Variants in CAMTA1 observed in about 807,000 individuals in gnomAD.
The protein encoded by CAMTA1 is calmodulin-binding transcription activator 1.
In CAMTA1, 27 loss-of-function variants were observed where a neutral mutation model predicts 170.9. The ratio of observed to expected loss-of-function variants is 0.16; its 90% CI spans 0.12 to 0.22. The LOEUF (loss-of-function observed/expected upper bound fraction) is 0.22. Ranked by LOEUF, CAMTA1 falls within the 10% of genes least tolerant of loss-of-function variation. The probability of loss-of-function intolerance (pLI) is 1.00; values close to 1 mark genes in which losing one functional copy is unlikely to be tolerated. For missense variants in CAMTA1, 1,619 were observed against 2,217.2 expected (o/e 0.73, Z 5.42); for synonymous variants, 833 against 891.5 (o/e 0.93, Z 1.17).
chr1:7,444,505 C>T (rs974956638), intron 5 of CAMTA1, among the ~76,000 whole-genome samples: 3 of 152,240 alleles, frequency 2.0e-5, no homozygotes, highest in African/African-American at 4.8e-5. Context: ...TCCCTCCTCC[C>T]TGGGCACCAG....
intron 5 of CAMTA1, among the ~76,000 whole-genome samples, chr1:7,377,024 G>A (rs1402874845): frequency 2.0e-5 from 3 of 152,124 alleles, no homozygotes; most frequent in African/African-American, 7.2e-5. Flanking sequence ...AGGCAAGATG[G>A]CACTCAAGCT....
intron 4 of CAMTA1, among the ~76,000 whole-genome samples, chr1:7,182,496 GAAAA>G: frequency 2.0e-5 from 2 of 98,460 alleles, no homozygotes; most frequent in African/African-American, 6.4e-5. Flanking sequence ...CCCCATCTCA[GAAAA>G]AAAAAAAAAA....
chr1:7,493,476 A>C (rs1205193248), intron 6 of CAMTA1, among the ~76,000 whole-genome samples: 5 of 151,348 alleles, frequency 3.3e-5, no homozygotes, highest in African/African-American at 1.2e-4. Flanking sequence ...AAAACATATA[A>C]ACAGGCGTGC....
intron 3 of CAMTA1, among the ~76,000 whole-genome samples, chr1:6,855,339 C>T (rs1192734431): frequency 6.6e-6 from 1 of 151,744 alleles, no homozygotes; most frequent in East Asian, 2.0e-4. Context: ...TTCATGGTTC[C>T]ACAGGCGGTT....
chr1:7,120,736 GTGGAGTAGGAAAGACCCAAC>G (rs1423475877), intron 4 of CAMTA1, among the ~76,000 whole-genome samples: 2 of 152,180 alleles, frequency 1.3e-5, no homozygotes, highest in African/African-American at 4.8e-5. Context: ...GCCTCCCTTT[GTGGAGTAGGAAAGACCCAAC>G]TGGATGATGA....
At chr1:6,832,016 T>A (rs1650434820) in intron 3 of CAMTA1, among the ~76,000 whole-genome samples, 2 of 152,168 alleles carry the variant, frequency 1.3e-5, no homozygotes, top group Non-Finnish European at 2.9e-5. Flanking sequence ...AAAATGGCCT[T>A]TAACACTGTA....
rs1247675637 is a variant in CAMTA1, at chr1:6,871,612, A to C, written c.234+46402A>C. ...AAAAAATTGTTGGTAACAGGTAATGAAAGTGTGGTTTTGTATGTAAATAAA... is the reference window on the plus strand; with the variant it reads ...AAAAAATTGTTGGTAACAGGTAATGCAAGTGTGGTTTTGTATGTAAATAAA... On this transcript the variant is annotated intron_variant, in intron 3 of 22. Coordinates refer to ENST00000303635, the MANE Select transcript of CAMTA1 (RefSeq NM_015215.4). 25 of 580,016 alleles carry C rather than the reference A, an allele frequency of 4.3e-5. No individual in the cohort carries two copies. The Admixed American group carries it at 9.5e-4, about 22-fold the overall frequency. 35.9% of individuals were successfully genotyped at this position (580,016 alleles called of 1,614,324 possible).
At chr1:7,413,089 G>A (rs1379662658) in intron 5 of CAMTA1, among the ~76,000 whole-genome samples, 2 of 150,684 alleles carry the variant, frequency 1.3e-5, no homozygotes, top group East Asian at 3.9e-4. Context: ...TATTTCTGAG[G>A]GCTCTGTTCT....
At chr1:7,714,371 C>T (rs1231353550) in intron 11 of CAMTA1, among the ~76,000 whole-genome samples, 6 of 152,286 alleles carry the variant, frequency 3.9e-5, no homozygotes, top group Middle Eastern at 3.4e-3. Context: ...TCAGAGCATC[C>T]GAGAGCTGTG....
intron 5 of CAMTA1, among the ~76,000 whole-genome samples, chr1:7,368,138 G>A (rs1182989730): frequency 6.7e-6 from 1 of 149,052 alleles, no homozygotes; most frequent in Non-Finnish European, 1.5e-5. Context: ...GCAGGCGCTG[G>A]GCATGGATGG....
At position 7,463,105 on chromosome 1, in the gene CAMTA1, G is replaced by T. The variant is rs1285600060; in HGVS notation, c.439-4725G>T. Among the ~76,000 whole-genome samples, 1 of 152,212 alleles carries T rather than the reference G, an allele frequency of 6.6e-6. No homozygotes were observed. Among genetic ancestry groups the T allele is most frequent in the Non-Finnish European group, 1.5e-5 (1 of 68,032 alleles). ...CACATAAGGCCTCCTGGGGCCGGGG[G>T]TTCATGTGAGCAGGGACACGGGGAG... On this transcript the variant is annotated intron_variant, in intron 5 of 22. Transcript: ENST00000303635. This position sits in a 1 kb window ranked among gnomAD's most constrained non-coding sequence, Gnocchi z 4.7.
At chr1:6,825,038 T>C in intron 2 of CAMTA1, 54 bp from the exon 3 acceptor site, 1 of 1,101,210 alleles carries the variant, frequency 9.1e-7, no homozygotes, top group Non-Finnish European at 1.3e-6. Context: ...CAGTGTACTT[T>C]AAAGGAGATT....
At chr1:7,244,596 A>G (rs1273640915) in intron 4 of CAMTA1, among the ~76,000 whole-genome samples, 2 of 152,200 alleles carry the variant, frequency 1.3e-5, no homozygotes, top group African/African-American at 4.8e-5. Context: ...TTGTAGGGAC[A>G]TGGATGAAGC....
At chr1:7,281,807 G>A (rs1462657513) in intron 5 of CAMTA1, among the ~76,000 whole-genome samples, 1 of 55,670 alleles carries the variant, frequency 1.8e-5, no homozygotes, top group Non-Finnish European at 5.1e-5. Context: ...AATTGTGTGT[G>A]TGTGTGTGTG....
intron 3 of CAMTA1, among the ~76,000 whole-genome samples, chr1:7,009,691 C>T (rs566225125): frequency 2.6e-4 from 39 of 152,346 alleles, no homozygotes; most frequent in East Asian, 1.9e-4. Flanking sequence ...AGCCCCGGTC[C>T]GGGCTGCACT....
intron 3 of CAMTA1, among the ~76,000 whole-genome samples, chr1:6,883,081 A>G (rs1672062314): frequency 6.6e-6 from 1 of 151,886 alleles, no homozygotes. Flanking sequence ...TTTAGTAGAG[A>G]TGGGGTTTTG....
chr1:7,665,085 G>A lies in CAMTA1; in HGVS notation c.2538G>A (p.Met846Ile), dbSNP rs951868951. 2 of 1,550,726 alleles carry A rather than the reference G, an allele frequency of 1.3e-6. No homozygotes were observed. Among genetic ancestry groups the A allele is most frequent in the Middle Eastern group, 1.7e-4 (1 of 5,780 alleles). The change falls in exon 9 of 23, where the codon ATG (methionine) becomes ATA (isoleucine). Residue 846 changes from methionine to isoleucine, a missense_variant. Around this residue, in one of 8 missense-constraint regions of CAMTA1, gnomAD observed 731 missense variants for 907.6 expected, o/e 0.81. Coordinates refer to ENST00000303635, the MANE Select transcript of CAMTA1 (RefSeq NM_015215.4). This position sits in a 1 kb window ranked among gnomAD's most constrained non-coding sequence, Gnocchi z 4.3. ...SEGGASTMAY[M>I]HVAEVVSAAS... ...GCGGGGCCAGCACCATGGCCTACAT[G>A]CACGTCGCCGAGGTGGTCTCGGCCG...
intron 6 of CAMTA1, among the ~76,000 whole-genome samples, chr1:7,473,584 C>A (rs547031159): frequency 6.6e-6 from 1 of 152,362 alleles, no homozygotes; most frequent in African/African-American, 2.4e-5. Flanking sequence ...CCCAGGCATG[C>A]CCCCAGGGAG....
chr1:7,051,715 C>CAGGACAGACTCATCCCTGTTTGCT (rs1706389457), intron 3 of CAMTA1, among the ~76,000 whole-genome samples: 1 of 152,118 alleles, frequency 6.6e-6, no homozygotes, highest in Non-Finnish European at 1.5e-5. Flanking sequence ...CCCTGTTTGC[C>CAGGACAGACTCATCCCTGTTTGCT]AGGACAGACT....
Sources: gnomAD v4.1 joint callset for allele counts (sites outside exome capture counted in the v4.1 genomes callset) on GRCh38, gnomAD v4.1.1 for gene constraint, gnomAD v4.1.1 regional missense constraint, Gnocchi (gnomAD v3.1) non-coding constraint, MANE v1.5 for transcripts, NCBI Gene and HGNC (gene_info 2026-07-23, HGNC 2026-07-21) for gene names.